SUSD6: variants seen among roughly 807,000 people sequenced by gnomAD.
The protein encoded by SUSD6 is sushi domain containing 6.
SUSD6 carries 16 observed loss-of-function variants against 28.4 expected under a neutral mutation model. The ratio of observed to expected loss-of-function variants is 0.56; its 90% CI spans 0.38 to 0.86. SUSD6 has a LOEUF of 0.86. SUSD6 is among the 40% of genes least tolerant of loss of function. The pLI is 0.00. For synonymous variants in SUSD6, 147 were observed against 159.6 expected (o/e 0.92, Z 0.59); for missense variants, 341 against 384.2 (o/e 0.89, Z 0.94).
intron 2 of SUSD6, among the ~76,000 whole-genome samples, chr14:69,676,361 A>G (rs1322399158): frequency 2.0e-5 from 3 of 150,470 alleles, no homozygotes; most frequent in Non-Finnish European, 4.4e-5. Context: ...TGCTCCTCCA[A>G]CTTTACTGTG....
At chr14:69,700,935 T>G (rs1033216052) in intron 2 of SUSD6, among the ~76,000 whole-genome samples, 1 of 152,220 alleles carries the variant, frequency 6.6e-6, no homozygotes, top group Non-Finnish European at 1.5e-5. Context: ...AACAAAAACC[T>G]AATCCCTAAA....
At chr14:69,640,754 T>G (rs1318927170) in intron 1 of SUSD6, among the ~76,000 whole-genome samples, 1 of 152,218 alleles carries the variant, frequency 6.6e-6, no homozygotes, top group African/African-American at 2.4e-5. Context: ...TAACTCCTTA[T>G]TTTTTATTTC....
intron 1 of SUSD6, among the ~76,000 whole-genome samples, chr14:69,622,463 G>A (rs1241372109): frequency 3.9e-5 from 6 of 151,960 alleles, no homozygotes; most frequent in Admixed American, 2.0e-4. Context: ...CTACCACCCC[G>A]GCCCAGTGTT....
At chr14:69,706,720 A>G (rs893472675) in intron 4 of SUSD6, among the ~76,000 whole-genome samples, 3 of 152,238 alleles carry the variant, frequency 2.0e-5, no homozygotes, top group East Asian at 3.9e-4. Context: ...TCAGCCTCCT[A>G]AAGTGCTCCC....
At chr14:69,638,144 C>T (rs1489801873) in intron 1 of SUSD6, among the ~76,000 whole-genome samples, 6 of 152,196 alleles carry the variant, frequency 3.9e-5, no homozygotes, top group Non-Finnish European at 8.8e-5. Context: ...AAACTTTGGA[C>T]CCTTGTTATT....
chr14:69,685,632 G>T (rs553232269), intron 2 of SUSD6, among the ~76,000 whole-genome samples: 2 of 152,196 alleles, frequency 1.3e-5, no homozygotes, highest in African/African-American at 2.4e-5. Flanking sequence ...TCATTTGTAT[G>T]TGGACCTACC....
chr14:69,633,530 C>G (rs892180184), intron 1 of SUSD6, among the ~76,000 whole-genome samples: 1 of 152,238 alleles, frequency 6.6e-6, no homozygotes, highest in Admixed American at 6.5e-5. Flanking sequence ...GATCTCCTTT[C>G]TTTCCTTTTT....
chr14:69,693,749 G>A (rs1421741122), intron 2 of SUSD6, among the ~76,000 whole-genome samples: 3 of 152,218 alleles, frequency 2.0e-5, no homozygotes, highest in African/African-American at 4.8e-5. Flanking sequence ...AAGGCTCAGA[G>A]GAGTTATGAC....
intron 2 of SUSD6, among the ~76,000 whole-genome samples, chr14:69,690,446 T>C (rs1886137038): frequency 1.3e-5 from 2 of 152,196 alleles, no homozygotes; most frequent in Admixed American, 6.5e-5. Context: ...TTAAAGAGGC[T>C]TAAATGTGGC....
chr14:69,679,707 C>CT lies in SUSD6; in HGVS notation c.121+20995dup, dbSNP rs375181870. ...TTGGACACCCCTGGTGTAAAGGAAC[C>CT]TGAGAGCAAAGAGTTTGAGAACCAC... On this transcript the variant is annotated intron_variant, in intron 2 of 5. Coordinates refer to ENST00000342745, the MANE Select transcript of SUSD6 (RefSeq NM_014734.4). 1.6e-3 allele frequency among the ~76,000 whole-genome samples: 240 copies of CT among 152,146 alleles called. 2 individuals are homozygous for CT. Among genetic ancestry groups the CT allele is most frequent in the Middle Eastern group, 0.01 (3 of 294 alleles).
chr14:69,655,974 G>A (rs1420745480), intron 1 of SUSD6, among the ~76,000 whole-genome samples: 1 of 151,984 alleles, frequency 6.6e-6, no homozygotes, highest in East Asian at 1.9e-4. Context: ...TCCTTGTAAG[G>A]GTAAAGTTTA....
intron 1 of SUSD6, among the ~76,000 whole-genome samples, chr14:69,624,367 A>G (rs1420169184): frequency 6.6e-6 from 1 of 152,180 alleles, no homozygotes; most frequent in Non-Finnish European, 1.5e-5. Flanking sequence ...GTATCCACGG[A>G]ATCAGAGTGA....
At chr14:69,643,547 G>C (rs1010649816) in intron 1 of SUSD6, among the ~76,000 whole-genome samples, 2 of 152,142 alleles carry the variant, frequency 1.3e-5, no homozygotes, top group Non-Finnish European at 2.9e-5. Context: ...TGTACCTCCT[G>C]ATCATGGTCC....
intron 2 of SUSD6, among the ~76,000 whole-genome samples, chr14:69,688,658 T>C (rs1886110266): frequency 6.6e-6 from 1 of 152,230 alleles, no homozygotes; most frequent in Non-Finnish European, 1.5e-5. Flanking sequence ...ATGATGAATC[T>C]GCACTGGAAA....
rs947390888 is a variant in SUSD6 at position 69,632,762 on chromosome 14, C to T, written c.-81+20934C>T. On this transcript the variant is annotated intron_variant, in intron 1 of 5. Transcript: ENST00000342745. Reference sequence around the variant, plus strand: ...GACTGACCCTAGCATTTGGTGTTCACTGAGCCAAAGCATTGCCTGAAGATA... The same window carrying T: ...GACTGACCCTAGCATTTGGTGTTCATTGAGCCAAAGCATTGCCTGAAGATA... Among the ~76,000 whole-genome samples the T allele has an allele frequency of 2.0e-5, 3 of 152,104 alleles. No individual in the cohort carries two copies. In the East Asian group the frequency reaches 5.8e-4, roughly 29 times the overall value.
intron 1 of SUSD6, among the ~76,000 whole-genome samples, chr14:69,613,061 AC>A (rs1595026328): frequency 6.6e-6 from 1 of 152,146 alleles, no homozygotes; most frequent in East Asian, 1.9e-4. Context: ...AGCATATTCA[AC>A]CAGAAATTAA....
chr14:69,646,680 T>C (rs1270213619), intron 1 of SUSD6, among the ~76,000 whole-genome samples: 1 of 150,494 alleles, frequency 6.6e-6, no homozygotes, highest in Non-Finnish European at 1.5e-5. Flanking sequence ...GGCCAAAAAC[T>C]TAGGCTTTTT....
chr14:69,678,644 A>C (rs1885952742), intron 2 of SUSD6, among the ~76,000 whole-genome samples: 2 of 152,058 alleles, frequency 1.3e-5, no homozygotes, highest in African/African-American at 4.8e-5. Flanking sequence ...CTCTACAAAA[A>C]ATACAAAAAT....
At chr14:69,658,199 TAGCC>T (rs1193049267) in intron 1 of SUSD6, among the ~76,000 whole-genome samples, 1 of 152,180 alleles carries the variant, frequency 6.6e-6, no homozygotes, top group Non-Finnish European at 1.5e-5. Context: ...TCTGTGTCAA[TAGCC>T]GTCTCTCTGC....
Sources: gnomAD v4.1 joint callset for allele counts (sites outside exome capture counted in the v4.1 genomes callset) on GRCh38, gnomAD v4.1.1 for gene constraint, MANE v1.5 for transcripts, NCBI Gene and HGNC (gene_info 2026-07-23, HGNC 2026-07-21) for gene names.